Variants in TUT4 observed in about 807,000 individuals in gnomAD.
TUT4 encodes terminal uridylyl transferase 4.
TUT4 carries 36 observed loss-of-function variants against 192.2 expected under a neutral mutation model. That is an observed-to-expected ratio of 0.19 (90% CI 0.14 to 0.25). TUT4 has a LOEUF of 0.25. Ranked by LOEUF, TUT4 falls within the 10% of genes least tolerant of loss-of-function variation. The probability of loss-of-function intolerance (pLI) is 1.00; values close to 1 mark genes in which losing one functional copy is unlikely to be tolerated. For missense variants in TUT4, 1,493 were observed against 1,957.2 expected (o/e 0.76, Z 4.47); for synonymous variants, 618 against 666.0 (o/e 0.93, Z 1.11).
rs1420461713 is a variant in TUT4 at position 52,492,843 on chromosome 1, G to C, written c.1318+768C>G. Among the ~76,000 whole-genome samples the C allele has an allele frequency of 2.6e-5, 4 of 152,230 alleles. No individual in the cohort carries two copies. The East Asian group carries it at 7.7e-4, about 29-fold the overall frequency. On this transcript the variant is annotated intron_variant, in intron 7 of 29. Transcript: ENST00000257177. ...AAGCACACATGAAAAACTCAACTAG[G>C]TATGATTCAACTGATGTAATATAAA...
chr1:52,535,881 G>A (rs1684770486), intron 1 of TUT4, among the ~76,000 whole-genome samples: 1 of 152,166 alleles, frequency 6.6e-6, no homozygotes, highest in South Asian at 2.1e-4. Flanking sequence ...AAAGAAAAAA[G>A]CTGTGAACTA....
At chr1:52,452,416 T>A (rs540558670) in intron 20 of TUT4, among the ~76,000 whole-genome samples, 2 of 152,256 alleles carry the variant, frequency 1.3e-5, no homozygotes, top group African/African-American at 2.4e-5. Context: ...AGCCCCTAGG[T>A]ATCTTTAAAA....
In TUT4 at chr1:52,516,809, CAG is replaced by C. The variant is rs763462804; in HGVS notation, c.719-757_719-756del. On this transcript the variant is annotated intron_variant, in intron 2 of 29. Coordinates refer to ENST00000257177, the MANE Select transcript of TUT4 (RefSeq NM_001009881.3). ...CCCTTGACCTCATGAAGGCAGTAAA[CAG>C]AATAATTCCAAGTTGTAATAAATGT... Among the ~76,000 whole-genome samples, 17 of 152,190 alleles carry C rather than the reference CAG, an allele frequency of 1.1e-4. No individual in the cohort carries two copies. In the East Asian group the frequency reaches 2.7e-3, roughly 24 times the overall value.
intron 16 of TUT4, chr1:52,463,870 C>T (rs1663316112): frequency 9.4e-7 from 1 of 1,060,660 alleles, no homozygotes; most frequent in Non-Finnish European, 1.3e-6. Flanking sequence ...CGGTGGAACT[C>T]AGAAAGCTAT....
chr1:52,431,204 G>A lies in TUT4; in HGVS notation c.4520C>T (p.Pro1507Leu). The A allele has an allele frequency of 6.2e-7, 1 of 1,614,228 alleles. No individual in the cohort carries two copies. Among genetic ancestry groups the A allele is most frequent in the Non-Finnish European group, 8.5e-7 (1 of 1,180,044 alleles). The change falls in exon 28 of 30, where the codon CCC becomes CTC. Residue 1507 changes from proline to leucine, a missense_variant. This residue lies in a region of TUT4 where 351 missense variants were observed against 397.8 expected (regional missense o/e 0.88). Coordinates refer to ENST00000257177, the MANE Select transcript of TUT4 (RefSeq NM_001009881.3). ...HPLQIPAPSW[P>L]IHGPVIHSAP... is the part of the protein sequence containing the mutation. ...AGAGTGGATCACTGGGCCATGGATGGGCCAGGACGGGGCAGGGATCTGGAG... is the reference window on the plus strand; with the variant it reads ...AGAGTGGATCACTGGGCCATGGATGAGCCAGGACGGGGCAGGGATCTGGAG...
chr1:52,466,657 A>AT (rs1379713843), intron 15 of TUT4, among the ~76,000 whole-genome samples: 372 of 133,350 alleles, frequency 2.8e-3, no homozygotes, highest in African/African-American at 0.011. Flanking sequence ...AAAAAAAAAA[A>AT]AAATATATAT....
At chr1:52,524,050 T>C (rs1681035165) in intron 2 of TUT4, among the ~76,000 whole-genome samples, 2 of 152,158 alleles carry the variant, frequency 1.3e-5, no homozygotes, top group African/African-American at 2.4e-5. Flanking sequence ...TCAAAAGACA[T>C]AGACAATATT....
At position 52,509,648 on chromosome 1, in the gene TUT4, A is replaced by G. The variant is rs756954144; in HGVS notation, c.947T>C (p.Ile316Thr). 1 of 1,611,944 alleles carries G rather than the reference A, an allele frequency of 6.2e-7. No homozygotes were observed. ...CKLCLIHIENIQGAHKHIKEK... is the reference protein window; with the variant it reads ...CKLCLIHIENTQGAHKHIKEK... ...CTTTATATGTTTATGAGCCCCCTGG[A>G]TATTTTCAATGTGAATTAAGCAAAG... The change falls in exon 4 of 30, where the codon ATC becomes ACC. Residue 316 changes from isoleucine to threonine, a missense_variant. By Grantham distance (89) the Ile-to-Thr change is moderately conservative (BLOSUM62 -1). This residue lies in a region of TUT4 where 437 missense variants were observed against 577.6 expected (regional missense o/e 0.76). Transcript: ENST00000257177.
rs1055293537 is a variant in TUT4, at chr1:52,430,994, GAAGAA to G, written c.4711+14_4711+18del. 1 of 1,535,296 alleles carries G rather than the reference GAAGAA, an allele frequency of 6.5e-7. No homozygotes were observed. The highest frequency in any genetic ancestry group is 1.4e-5 in the African/African-American group (1 of 72,158). On this transcript the variant is annotated intron_variant, in intron 28 of 29. Coordinates refer to ENST00000257177, the MANE Select transcript of TUT4 (RefSeq NM_001009881.3). The stretch of plus-strand genomic sequence containing the variant: ...GAAGAAAAGACATGCAGATAAAAAA[GAAGAA>G]AAGGAAAGGTTACCTGAATTCCCCA...
Position 52,431,153 on chromosome 1 carries a change from A to G in TUT4, c.4571T>C (p.Ile1524Thr), listed in dbSNP as rs2148148396. Reference protein sequence around the residue: ...HSAPGSAPSNIGLNDPSIIFA... With the variant: ...HSAPGSAPSNTGLNDPSIIFA... ...GATGATGCTGGGATCATTTAGGCCAATATTGCTGGGGGCACTGCCTGGTGC... is the reference window on the plus strand; with the variant it reads ...GATGATGCTGGGATCATTTAGGCCAGTATTGCTGGGGGCACTGCCTGGTGC... Residue 1524 changes from isoleucine (I) to threonine (T), a missense_variant, in exon 28 of 30, where the codon ATT becomes ACT. Physicochemically the swap from Ile to Thr is moderately conservative, Grantham distance 89. Around this residue, in one of 7 missense-constraint regions of TUT4, gnomAD observed 351 missense variants for 397.8 expected, o/e 0.88. Coordinates refer to ENST00000257177, the MANE Select transcript of TUT4 (RefSeq NM_001009881.3). 10 of 1,614,230 alleles carry G rather than the reference A, an allele frequency of 6.2e-6. No homozygotes were observed. Among genetic ancestry groups the G allele is most frequent in the East Asian group, 4.5e-5 (2 of 44,886 alleles).
At chr1:52,435,225 T>G (rs752685472) in intron 27 of TUT4, 140 bp downstream of exon 27, 1 of 524,674 alleles carries the variant, frequency 1.9e-6, no homozygotes. Context: ...TTCCACCTTA[T>G]GTGCCTAGCA....
rs1188965831 is a variant in TUT4, at chr1:52,445,878, G to A, written c.3740-9C>T. On this transcript the variant is annotated splice_polypyrimidine_tract_variant and intron_variant, in intron 23 of 29. Transcript: ENST00000257177. ...CATGATGAAATTGGTCACTATTAAA[G>A]AAAGAAGAAAACAATAAAGATGCAG... 2 of 1,607,542 alleles carry A rather than the reference G, an allele frequency of 1.2e-6. No homozygotes were observed. Among genetic ancestry groups the A allele is most frequent in the Non-Finnish European group, 1.7e-6 (2 of 1,177,064 alleles).
intron 2 of TUT4, among the ~76,000 whole-genome samples, chr1:52,525,229 GTGAA>G (rs1681417157): frequency 6.6e-6 from 1 of 152,098 alleles, no homozygotes; most frequent in African/African-American, 2.4e-5. Context: ...TACATATTTG[GTGAA>G]TGAATGAGCA....
At chr1:52,493,765 T>A (rs1251779850) in intron 6 of TUT4, 103 bp from the exon 7 acceptor site, 7 of 738,222 alleles carry the variant, frequency 9.5e-6, no homozygotes, top group East Asian at 8.3e-5. Context: ...TTAAATATAA[T>A]CATGCTTTGT....
intron 1 of TUT4, among the ~76,000 whole-genome samples, chr1:52,541,028 A>G (rs867215105): frequency 6.6e-6 from 1 of 152,022 alleles, no homozygotes; most frequent in Non-Finnish European, 1.5e-5. Context: ...CAACATGGTA[A>G]AACACTGTCT....
At chr1:52,507,610 G>A (rs909325591) in intron 4 of TUT4, among the ~76,000 whole-genome samples, 1 of 151,920 alleles carries the variant, frequency 6.6e-6, no homozygotes, top group Non-Finnish European at 1.5e-5. Context: ...TTCCCTATAC[G>A]GGCTGAGCAT....
intron 8 of TUT4, among the ~76,000 whole-genome samples, chr1:52,490,417 TTTA>T (rs1670863452): frequency 6.6e-6 from 1 of 152,006 alleles, no homozygotes; most frequent in Non-Finnish European, 1.5e-5. Context: ...CTATTTCTTC[TTTA>T]TGTCTGTATC....
chr1:52,424,634 A>G (rs1303172893), intron 29 of TUT4: 1 of 152,294 alleles, frequency 6.6e-6, no homozygotes, highest in Non-Finnish European at 1.5e-5. Flanking sequence ...AAAATGCTCC[A>G]AGTTTCTAGG....
At chr1:52,468,652 C>CA (rs560133059) in intron 14 of TUT4, among the ~76,000 whole-genome samples, 17 of 152,310 alleles carry the variant, frequency 1.1e-4, no homozygotes, top group Non-Finnish European at 1.5e-5. Context: ...CTGGCCCACT[C>CA]AAATTTAACA....
Sources: gnomAD v4.1 joint callset for allele counts (sites outside exome capture counted in the v4.1 genomes callset) on GRCh38, gnomAD v4.1.1 for gene constraint, gnomAD v4.1.1 regional missense constraint, MANE v1.5 for transcripts, NCBI Gene and HGNC (gene_info 2026-07-23, HGNC 2026-07-21) for gene names.